The following PIK3C3 variants were observed in gnomAD, a reference collection of about 807,000 sequenced individuals.
PIK3C3 encodes phosphatidylinositol 3-kinase catalytic subunit type 3.
PIK3C3 carries 95 observed loss-of-function variants against 126.1 expected under a neutral mutation model. That is an observed-to-expected ratio of 0.75 (90% CI 0.64 to 0.89). The LOEUF is 0.89. Among genes scored for constraint, PIK3C3 ranks in the 40% least tolerant of loss-of-function variants. The pLI, the probability that PIK3C3 is intolerant of heterozygous loss-of-function variation, is 0.00. For missense variants in PIK3C3, 829 were observed against 1,063.2 expected (o/e 0.78, Z 3.06); for synonymous variants, 374 against 360.0 (o/e 1.04, Z -0.44).
At chr18:42,028,008 G>A (rs934754081) in intron 14 of PIK3C3, among the ~76,000 whole-genome samples, 1 of 152,116 alleles carries the variant, frequency 6.6e-6, no homozygotes, top group African/African-American at 2.4e-5. Flanking sequence ...TGTGATACAT[G>A]AAAATTATGT....
At chr18:42,020,170 A>G (rs1983257741) in intron 12 of PIK3C3, among the ~76,000 whole-genome samples, 1 of 152,158 alleles carries the variant, frequency 6.6e-6, no homozygotes, top group Admixed American at 6.6e-5. Context: ...ATACTCAATA[A>G]TAATGTGACC....
chr18:42,035,483 G>A (rs1444134548), intron 16 of PIK3C3, among the ~76,000 whole-genome samples: 1 of 152,112 alleles, frequency 6.6e-6, no homozygotes, highest in Non-Finnish European at 1.5e-5. Flanking sequence ...TTATAATTAT[G>A]TCTTATGAAA....
chr18:42,053,909 G>C (rs1345582478), intron 21 of PIK3C3, among the ~76,000 whole-genome samples: 1 of 151,554 alleles, frequency 6.6e-6, no homozygotes, highest in Non-Finnish European at 1.5e-5. Context: ...AGTTCATTGT[G>C]AGTCCTAAGG....
chr18:42,027,144 G>A (rs564674323), intron 13 of PIK3C3: 26 of 193,278 alleles, frequency 1.3e-4, no homozygotes, highest in Non-Finnish European at 1.6e-4. Context: ...TTCTGAGGAT[G>A]TTAATACTCT....
At chr18:42,029,275 A>G (rs758547973) in intron 14 of PIK3C3, 50 bp from the exon 15 acceptor site, 3 of 1,080,022 alleles carry the variant, frequency 2.8e-6, no homozygotes, top group Non-Finnish European at 1.4e-6. Flanking sequence ...AAAGAAATCC[A>G]GATCATTACG....
At chr18:42,010,198 A>G (rs943032255) in intron 10 of PIK3C3, among the ~76,000 whole-genome samples, 3 of 152,188 alleles carry the variant, frequency 2.0e-5, no homozygotes, top group African/African-American at 7.2e-5. Context: ...CCAAGCATAG[A>G]TCGCATCTCA....
rs1986428132 is a variant in PIK3C3 at position 42,087,767 on chromosome 18, CTGTT to C, written c.*6634_*6637del. 1 of 152,162 alleles carries C rather than the reference CTGTT, an allele frequency of 6.6e-6. No individual in the cohort carries two copies. Among genetic ancestry groups the C allele is most frequent in the Non-Finnish European group, 1.5e-5 (1 of 68,034 alleles). 9.4% of individuals were successfully genotyped at this position (152,162 alleles called of 1,614,324 possible). On this transcript the variant is annotated 3_prime_UTR_variant, in exon 25 of 25. Transcript: ENST00000262039. ...AAGAAAACCAGTGATGTTTAGTTAA[CTGTT>C]TGTAAAAATAAATGGTTAGTAGAAT...
intron 24 of PIK3C3, among the ~76,000 whole-genome samples, chr18:42,072,783 G>T (rs1208098781): frequency 6.6e-6 from 1 of 152,102 alleles, no homozygotes; most frequent in African/African-American, 2.4e-5. Context: ...CAATCCTCCT[G>T]CCTCGGCCTT....
rs1018981067 is a variant in PIK3C3 at position 42,030,384 on chromosome 18, C to T, written c.1707+943C>T. 3.9e-5 allele frequency among the ~76,000 whole-genome samples: 6 copies of T among 152,270 alleles called. No homozygotes were observed. In the East Asian group the frequency reaches 5.8e-4, roughly 15 times the overall value. ...AGTAGCCTAAATGATATGAAAGATT[C>T]GCTTGGTATCTTTTCCTAATTCCAT... On this transcript the variant is annotated intron_variant, in intron 15 of 24. Coordinates refer to ENST00000262039, the MANE Select transcript of PIK3C3 (RefSeq NM_002647.4).
chr18:42,041,597 A>T (rs974609868), intron 19 of PIK3C3, among the ~76,000 whole-genome samples: 1 of 151,572 alleles, frequency 6.6e-6, no homozygotes, highest in African/African-American at 2.4e-5. Context: ...GTAAAAAAAA[A>T]AAAAAAGGTA....
At chr18:42,078,006 A>G (rs886259446) in intron 24 of PIK3C3, among the ~76,000 whole-genome samples, 7 of 152,178 alleles carry the variant, frequency 4.6e-5, no homozygotes, top group African/African-American at 1.4e-4. Flanking sequence ...GAGCTCTTGG[A>G]TGACTGGGTA....
chr18:41,976,690 TG>T (rs1980938455), intron 4 of PIK3C3, among the ~76,000 whole-genome samples: 1 of 152,204 alleles, frequency 6.6e-6, no homozygotes, highest in Non-Finnish European at 1.5e-5. Context: ...AATGATAAAA[TG>T]TTTAAAGGAT....
chr18:41,996,144 C>A (rs1174259215), intron 8 of PIK3C3, 150 bp downstream of exon 8: 1 of 643,676 alleles, frequency 1.6e-6, no homozygotes, highest in East Asian at 2.7e-5. Context: ...CACAGATCAG[C>A]AGTTCTGTTA....
intron 24 of PIK3C3, among the ~76,000 whole-genome samples, chr18:42,073,291 C>G (rs1985853301): frequency 6.6e-6 from 1 of 152,158 alleles, no homozygotes; most frequent in South Asian, 2.1e-4. Flanking sequence ...ATTCTATAGT[C>G]ACTTATTCTT....
At chr18:41,960,405 A>G (rs1317850794) in intron 2 of PIK3C3, among the ~76,000 whole-genome samples, 1 of 151,638 alleles carries the variant, frequency 6.6e-6, no homozygotes. Context: ...AGAGAGACAT[A>G]TAATACAATC....
chr18:42,049,574 GCA>G lies in PIK3C3; in HGVS notation c.2234_2235del (p.His745ProfsTer3). 2.5e-6 allele frequency: 4 copies of G among 1,613,640 alleles called. No homozygotes were observed. The highest frequency in any genetic ancestry group is 3.4e-6 in the Non-Finnish European group (4 of 1,179,602). ...ITYILGVGDR[H>X]LDNLLLTKTG... The stretch of plus-strand genomic sequence containing the variant: ...CCTATATACTTGGAGTTGGAGACAG[GCA>G]CCTGGATAACCTTTTGCTAACAAAA... On this transcript the variant is annotated frameshift_variant, in exon 21 of 25. Coordinates refer to ENST00000262039, the MANE Select transcript of PIK3C3 (RefSeq NM_002647.4). LOFTEE classifies it high-confidence loss of function.
At chr18:42,055,873 A>T (rs1311002916) in intron 21 of PIK3C3, among the ~76,000 whole-genome samples, 1 of 152,132 alleles carries the variant, frequency 6.6e-6, no homozygotes, top group Non-Finnish European at 1.5e-5. Flanking sequence ...TCCAAGAATT[A>T]CAGATGCCTC....
chr18:42,074,110 T>C (rs570346098), intron 24 of PIK3C3, among the ~76,000 whole-genome samples: 1 of 152,296 alleles, frequency 6.6e-6, no homozygotes, highest in East Asian at 1.9e-4. Context: ...TTTTTGTTTT[T>C]AAGCTTTTGA....
intron 3 of PIK3C3, among the ~76,000 whole-genome samples, chr18:41,969,294 G>T (rs1376160042): frequency 6.6e-6 from 1 of 151,970 alleles, no homozygotes; most frequent in Non-Finnish European, 1.5e-5. Flanking sequence ...TGTTTGAGTA[G>T]ACTTTATGTT....
Sources: allele counts gnomAD v4.1 joint callset (sites outside exome capture counted in the v4.1 genomes callset), GRCh38; gene constraint gnomAD v4.1.1; transcripts MANE v1.5; gene names NCBI Gene and HGNC (gene_info 2026-07-23, HGNC 2026-07-21).